The following GTPBP4 variants were observed in gnomAD, a reference collection of about 807,000 sequenced individuals.
The protein encoded by GTPBP4 is GTP-binding protein 4.
GTPBP4 carries 15 observed loss-of-function variants against 81.7 expected under a neutral mutation model. The ratio of observed to expected loss-of-function variants is 0.18; its 90% CI spans 0.12 to 0.28. The LOEUF (loss-of-function observed/expected upper bound fraction) is 0.28. Among genes scored for constraint, GTPBP4 ranks in the 10% least tolerant of loss-of-function variants. The pLI, the probability that GTPBP4 is intolerant of heterozygous loss-of-function variation, is 1.00. For missense variants in GTPBP4, 847 were observed against 793.8 expected, an observed-to-expected ratio of 1.07 and a Z score of -0.81; for synonymous variants, 272 against 274.6, an observed-to-expected ratio of 0.99 and a Z score of 0.09.
At chr10:1,001,931 GTT>G (rs34090663) in intron 8 of GTPBP4, among the ~76,000 whole-genome samples, 1 of 145,628 alleles carries the variant, frequency 6.9e-6, no homozygotes. Flanking sequence ...TTTTATTTTT[GTT>G]TTTTTTTTGA....
At chr10:1,016,034 G>T in intron 16 of GTPBP4, 138 bp downstream of exon 16, 1 of 795,406 alleles carries the variant, frequency 1.3e-6, no homozygotes, top group Non-Finnish European at 2.1e-6. Flanking sequence ...TCGTTTTGTG[G>T]CATCCTTTAG....
At chr10:1,007,186 C>A in intron 10 of GTPBP4, 58 bp downstream of exon 10, 3 of 941,628 alleles carry the variant, frequency 3.2e-6, no homozygotes, top group Non-Finnish European at 5.2e-6. Flanking sequence ...GTGCTGTCTG[C>A]GTGCCTTTTC....
At chr10:1,016,993 A>AT in intron 16 of GTPBP4, 82 bp from the exon 17 acceptor site, 1 of 1,144,920 alleles carries the variant, frequency 8.7e-7, no homozygotes, top group Non-Finnish European at 1.3e-6. Context: ...CATTAAACAG[A>AT]TTGTTACCCA....
chr10:999,864 C>A (rs1037479017), intron 6 of GTPBP4, among the ~76,000 whole-genome samples: 1 of 152,168 alleles, frequency 6.6e-6, no homozygotes, highest in East Asian at 1.9e-4. Context: ...AAGGCTGAGG[C>A]TGGAGAATCG....
At chr10:1,002,410 ACTT>A (rs1446064548) in intron 8 of GTPBP4, among the ~76,000 whole-genome samples, 4 of 152,140 alleles carry the variant, frequency 2.6e-5, no homozygotes, top group Non-Finnish European at 4.4e-5. Context: ...AGCTATTCCT[ACTT>A]GCTTTTAGTT....
At position 1,019,634 on chromosome 10, in the gene GTPBP4, AC is replaced by A. The variant is rs41294968; in HGVS notation, c.*2411del. 6.2e-7 allele frequency: 1 copy of A among 1,613,734 alleles called. No homozygotes were observed. The stretch of plus-strand genomic sequence containing the variant: ...TTAGCCAGGGGGTGACTTTGACTTC[AC>A]CCCTCGCCTCCCTCTCCAGCAGCTC... On this transcript the variant is annotated 3_prime_UTR_variant, in exon 17 of 17. Transcript: ENST00000360803.
chr10:992,435 G>A, intron 1 of GTPBP4, 54 bp from the exon 2 acceptor site: 1 of 1,043,566 alleles, frequency 9.6e-7, no homozygotes, highest in East Asian at 2.4e-5. Flanking sequence ...TCAAATAAAT[G>A]GCTCAAAAGT....
chr10:1,012,354 C>A, intron 13 of GTPBP4, 111 bp from the exon 14 acceptor site: 1 of 717,042 alleles, frequency 1.4e-6, no homozygotes, highest in Non-Finnish European at 2.3e-6. Flanking sequence ...CCAGGGCAAT[C>A]GCTCTCCTCT....
At chr10:990,538 C>T (rs563926443) in intron 1 of GTPBP4, among the ~76,000 whole-genome samples, 132 of 151,606 alleles carry the variant, frequency 8.7e-4, no homozygotes, top group African/African-American at 2.7e-3. Context: ...CTGGCTAACA[C>T]GGTGAAACCC....
chr10:999,184 T>G, intron 6 of GTPBP4, 89 bp downstream of exon 6: 4 of 748,220 alleles, frequency 5.3e-6, no homozygotes, highest in Non-Finnish European at 9.5e-6. Flanking sequence ...AGTGGCATGA[T>G]CTCAGTCCAC....
intron 15 of GTPBP4, among the ~76,000 whole-genome samples, chr10:1,015,387 CCTGGG>C (rs2132176101): frequency 1.5e-5 from 2 of 137,208 alleles, no homozygotes; most frequent in Admixed American, 7.1e-5. Context: ...GAGCTCTGAG[CCTGGG>C]AGTGGACCTG....
At chr10:1,005,946 G>A (rs1564468880) in intron 9 of GTPBP4, 39 bp downstream of exon 9, 3 of 1,002,630 alleles carry the variant, frequency 3.0e-6, no homozygotes, top group Admixed American at 2.3e-5. Context: ...TCTTTTTACT[G>A]TCTCTTGTTT....
At chr10:1,003,513 A>G (rs1381792866) in intron 8 of GTPBP4, among the ~76,000 whole-genome samples, 1 of 152,172 alleles carries the variant, frequency 6.6e-6, no homozygotes, top group Non-Finnish European at 1.5e-5. Context: ...ATCTGGTAGA[A>G]CAGGAGCCTC....
At chr10:995,898 A>G (rs755674349) in intron 2 of GTPBP4, 31 bp from the exon 3 acceptor site, 29 of 1,317,712 alleles carry the variant, frequency 2.2e-5, no homozygotes, top group Non-Finnish European at 3.2e-5. Flanking sequence ...GCTGGCCCCA[A>G]GTGACCGTGG....
Position 988,455 on chromosome 10 carries a change from T to G in GTPBP4, c.-25T>G. The G allele has an allele frequency of 6.2e-7, 1 of 1,609,368 alleles. No individual in the cohort carries two copies. Among genetic ancestry groups the G allele is most frequent in the Non-Finnish European group, 8.5e-7 (1 of 1,176,136 alleles). On this transcript the variant is annotated 5_prime_UTR_variant, in exon 1 of 17. Coordinates refer to ENST00000360803, the MANE Select transcript of GTPBP4 (RefSeq NM_012341.3). ...CGGCGGAAGTTCCGGGAGTGCCAAG[T>G]ACCCGCGTGCATACGGCTGCCGGCA...
At chr10:1,014,606 C>T (rs1026413340) in intron 15 of GTPBP4, among the ~76,000 whole-genome samples, 3 of 152,182 alleles carry the variant, frequency 2.0e-5, no homozygotes, top group African/African-American at 7.2e-5. Flanking sequence ...TTGCAGTGAG[C>T]TGAGATCGTG....
intron 5 of GTPBP4, among the ~76,000 whole-genome samples, chr10:997,879 C>T (rs1349038960): frequency 1.3e-5 from 2 of 152,104 alleles, no homozygotes; most frequent in African/African-American, 4.8e-5. Flanking sequence ...TGGGTGAGCT[C>T]ACTGACTAGG....
intron 8 of GTPBP4, among the ~76,000 whole-genome samples, chr10:1,005,606 C>CT (rs1797745842): frequency 6.6e-6 from 1 of 152,158 alleles, no homozygotes; most frequent in African/African-American, 2.4e-5. Flanking sequence ...TGAGGGGCTA[C>CT]TAGTCGGCCA....
chr10:1,005,881 G>A lies in GTPBP4; in HGVS notation c.976G>A (p.Glu326Lys), dbSNP rs764627889. 1.9e-6 allele frequency: 3 copies of A among 1,588,424 alleles called. No homozygotes were observed. In the East Asian group the frequency reaches 6.7e-5, roughly 36 times the overall value. ...AATAGAGACCAGCACCCTGACTGAG[G>A]AAGGTGTTATTAAAGTTAAAACAGA... Reference protein sequence around the residue: ...PVIETSTLTEEGVIKVKTEAC... With the variant: ...PVIETSTLTEKGVIKVKTEAC... Residue 326 changes from glutamate (E) to lysine (K), a missense_variant, in exon 9 of 17, where the codon GAA (glutamate) becomes AAA (lysine). Glu to Lys is a moderately conservative substitution (Grantham distance 56). This residue lies in a region of GTPBP4 where 600 missense variants were observed against 557.1 expected (regional missense o/e 1.08). Coordinates refer to ENST00000360803, the MANE Select transcript of GTPBP4 (RefSeq NM_012341.3).
Sources: gnomAD v4.1 joint callset for allele counts (sites outside exome capture counted in the v4.1 genomes callset) on GRCh38, gnomAD v4.1.1 for gene constraint, gnomAD v4.1.1 regional missense constraint, MANE v1.5 for transcripts, NCBI Gene and HGNC (gene_info 2026-07-23, HGNC 2026-07-21) for gene names.